PALS2: variants seen among roughly 807,000 people sequenced by gnomAD.
PALS2 encodes protein associated with LIN7 2, MAGUK p55 family member.
PALS2 carries 27 observed loss-of-function variants against 61.6 expected under a neutral mutation model. That is an observed-to-expected ratio of 0.44 (90% CI 0.32 to 0.60). The LOEUF is 0.60. Ranked by LOEUF, PALS2 falls within the 20% of genes least tolerant of loss-of-function variation. PALS2 has a pLI of 0.05. For missense variants in PALS2, 554 were observed against 639.4 expected, an observed-to-expected ratio of 0.87 and a Z score of 1.44; for synonymous variants, 236 against 218.6, an observed-to-expected ratio of 1.08 and a Z score of -0.70.
At chr7:24,602,252 C>G (rs1783746164) in intron 1 of PALS2, among the ~76,000 whole-genome samples, 1 of 151,936 alleles carries the variant, frequency 6.6e-6, no homozygotes, top group Non-Finnish European at 1.5e-5. Context: ...TGATATTCTT[C>G]TTTTTCTTTG....
intron 4 of PALS2, 68 bp downstream of exon 4, chr7:24,649,832 T>C (rs376290306): frequency 1.5e-6 from 2 of 1,355,302 alleles, no homozygotes; most frequent in African/African-American, 3.0e-5. Context: ...CAGTCACTAC[T>C]CTGTTTCATT....
intron 1 of PALS2, among the ~76,000 whole-genome samples, chr7:24,613,215 C>A (rs1483015674): frequency 2.0e-5 from 3 of 151,524 alleles, no homozygotes; most frequent in Non-Finnish European, 4.4e-5. Flanking sequence ...ATTCTTAAAT[C>A]TCTCCAGATC....
chr7:24,680,450 C>A lies in PALS2; in HGVS notation c.1376C>A (p.Pro459Gln). The A allele has an allele frequency of 6.2e-7, 1 of 1,613,826 alleles. No homozygotes were observed. The highest frequency in any genetic ancestry group is 8.5e-7 in the Non-Finnish European group (1 of 1,179,792). The change falls in exon 11 of 12, where the codon CCG becomes CAG. Residue 459 changes from proline (P) to glutamine (Q), a missense_variant. Coordinates refer to ENST00000222644, the MANE Select transcript of PALS2 (RefSeq NM_001303037.2). ...FMPYVVFIAA[P>Q]ELETLRAMHK... The stretch of plus-strand genomic sequence containing the variant: ...CCCTATGTGGTATTTATTGCGGCTC[C>A]GGAGCTAGAGACGTTACGTGCCATG...
chr7:24,691,449 C>G lies in PALS2; in HGVS notation c.*3835C>G, dbSNP rs1401706766. On this transcript the variant is annotated 3_prime_UTR_variant, in exon 12 of 12. Coordinates refer to ENST00000222644, the MANE Select transcript of PALS2 (RefSeq NM_001303037.2). ...TATATATATATATATATATATACAG[C>G]TATGTGTATAATATGTAAAATTCTC... 2 of 88,810 alleles carry G rather than the reference C, an allele frequency of 2.3e-5. No homozygotes were observed. The highest frequency in any genetic ancestry group is 7.5e-5 in the African/African-American group (2 of 26,576). 5.5% of individuals were successfully genotyped at this position (88,810 alleles called of 1,614,324 possible). A position where few individuals can be genotyped will look rare whatever the true frequency, so the allele number is the denominator to read the frequency against.
intron 1 of PALS2, among the ~76,000 whole-genome samples, chr7:24,602,553 T>G (rs1288189626): frequency 6.6e-6 from 1 of 152,176 alleles, no homozygotes; most frequent in Non-Finnish European, 1.5e-5. Flanking sequence ...GCCTGGAAAG[T>G]AAAGACCAAG....
At chr7:24,639,647 A>C (rs1785414490) in intron 2 of PALS2, among the ~76,000 whole-genome samples, 1 of 151,898 alleles carries the variant, frequency 6.6e-6, no homozygotes, top group Non-Finnish European at 1.5e-5. Flanking sequence ...ATTTCATAAG[A>C]GTTAACTAAT....
At chr7:24,616,199 G>A (rs1784287965) in intron 1 of PALS2, among the ~76,000 whole-genome samples, 1 of 152,150 alleles carries the variant, frequency 6.6e-6, no homozygotes, top group South Asian at 2.1e-4. Context: ...TCCAGCAAGA[G>A]TGACAGAAAG....
intron 1 of PALS2, among the ~76,000 whole-genome samples, chr7:24,609,092 T>TTAGTTTCCCCAGTTTAG (rs1330263057): frequency 6.6e-6 from 1 of 152,204 alleles, no homozygotes; most frequent in Non-Finnish European, 1.5e-5. Context: ...CACCATCTGT[T>TTAGTTTCCCCAGTTTAG]TTTCCCCCAG....
intron 9 of PALS2, among the ~76,000 whole-genome samples, chr7:24,673,204 C>A (rs1361159977): frequency 6.6e-6 from 1 of 152,026 alleles, no homozygotes; most frequent in Non-Finnish European, 1.5e-5. Flanking sequence ...GTATTGCATT[C>A]ATTGATTTTT....
At chr7:24,680,785 G>A (rs377646286) in intron 11 of PALS2, among the ~76,000 whole-genome samples, 81 of 152,080 alleles carry the variant, frequency 5.3e-4, no homozygotes, top group African/African-American at 1.7e-3. Flanking sequence ...TAGTAGAGAC[G>A]GGGTTTCACC....
At chr7:24,600,927 C>CT (rs931005710) in intron 1 of PALS2, among the ~76,000 whole-genome samples, 29 of 151,094 alleles carry the variant, frequency 1.9e-4, no homozygotes, top group Admixed American at 5.9e-4. Flanking sequence ...GATAGATATA[C>CT]TTTTTTTTTA....
intron 10 of PALS2, among the ~76,000 whole-genome samples, chr7:24,679,895 G>GT (rs2128031963): frequency 6.6e-6 from 1 of 152,082 alleles, no homozygotes; most frequent in Admixed American, 6.5e-5. Flanking sequence ...TGGGTTTTCT[G>GT]TTTTTGTTGT....
chr7:24,641,247 T>C (rs1216963031), intron 2 of PALS2, among the ~76,000 whole-genome samples: 1 of 152,064 alleles, frequency 6.6e-6, no homozygotes, highest in Non-Finnish European at 1.5e-5. Flanking sequence ...TTCCAGATTC[T>C]GGGGTTTCCA....
intron 11 of PALS2, among the ~76,000 whole-genome samples, chr7:24,685,268 A>G (rs115388149): frequency 0.014 from 2,062 of 152,224 alleles, 49 homozygotes; most frequent in African/African-American, 0.046. Flanking sequence ...ACACAGGTTT[A>G]TTTGTTTTAT....
rs187502605 is a variant in PALS2, at chr7:24,691,649, C to T, written c.*4035C>T. 13 of 151,550 alleles carry T rather than the reference C, an allele frequency of 8.6e-5. No homozygotes were observed. In the East Asian group the frequency reaches 2.1e-3, roughly 25 times the overall value. 9.4% of individuals were successfully genotyped at this position (151,550 alleles called of 1,614,324 possible). ...CTTTCTGAAAAATATATGAGAAACT[C>T]AGAAAGTAGTCATTATTATAATAAA... On this transcript the variant is annotated 3_prime_UTR_variant, in exon 12 of 12. Transcript: ENST00000222644.
At chr7:24,621,049 A>G (rs900979113) in intron 1 of PALS2, among the ~76,000 whole-genome samples, 2 of 152,220 alleles carry the variant, frequency 1.3e-5, no homozygotes, top group African/African-American at 4.8e-5. Context: ...ACAGGACAAA[A>G]GTACTTTTAA....
intron 2 of PALS2, among the ~76,000 whole-genome samples, chr7:24,632,016 G>A (rs757643457): frequency 5.9e-5 from 9 of 152,106 alleles, no homozygotes; most frequent in Non-Finnish European, 1.3e-4. Flanking sequence ...CAGTATCTCT[G>A]AGCTATGCCT....
At chr7:24,620,378 CA>C (rs745452484) in intron 1 of PALS2, among the ~76,000 whole-genome samples, 23 of 152,058 alleles carry the variant, frequency 1.5e-4, no homozygotes, top group Non-Finnish European at 2.9e-4. Context: ...ATAAATCCAC[CA>C]AATATACAAA....
intron 9 of PALS2, among the ~76,000 whole-genome samples, chr7:24,672,789 A>ATT (rs1361599567): frequency 2.0e-5 from 3 of 151,958 alleles, no homozygotes; most frequent in Non-Finnish European, 2.9e-5. Flanking sequence ...TCTAATGATG[A>ATT]TTTTTTTGTG....
Sources: allele counts gnomAD v4.1 joint callset (sites outside exome capture counted in the v4.1 genomes callset), GRCh38; gene constraint gnomAD v4.1.1; transcripts MANE v1.5; gene names NCBI Gene and HGNC (gene_info 2026-07-23, HGNC 2026-07-21).